Variants in CRCP observed in about 807,000 individuals in gnomAD.
The protein encoded by CRCP is CGRP receptor component, also known as DNA-directed RNA polymerase III subunit RPC9.
A neutral mutation model predicts 18.5 loss-of-function variants in CRCP; 18 were observed. The observed-to-expected ratio is 0.97, with a 90% confidence interval of 0.67 to 1.44. The LOEUF (loss-of-function observed/expected upper bound fraction) is 1.44, where lower values mean the gene tolerates loss of function less well. Ranked by LOEUF, CRCP falls within the 40% of genes most tolerant of loss-of-function variation. CRCP has a pLI of 0.00. For missense variants in CRCP, 130 were observed against 176.4 expected, an observed-to-expected ratio of 0.74 and a Z score of 1.49; for synonymous variants, 53 against 62.9, an observed-to-expected ratio of 0.84 and a Z score of 0.75.
chr7:66,138,615 C>G (rs1348187055), intron 4 of CRCP, among the ~76,000 whole-genome samples: 1 of 108,312 alleles, frequency 9.2e-6, no homozygotes, highest in Admixed American at 1.1e-4. Context: ...GAAACCTCGT[C>G]TCTACTAAAA....
intron 2 of CRCP, chr7:66,130,094 A>ATTT (rs1484336159): frequency 4.9e-4 from 51 of 104,422 alleles, no homozygotes; most frequent in South Asian, 8.2e-4. Flanking sequence ...GAGAAGCAGG[A>ATTT]TTCTTTTTTT....
In CRCP at chr7:66,114,973, A is replaced by C. The variant is rs779488684; in HGVS notation, c.8+3A>C. On this transcript the variant is annotated splice_donor_region_variant and intron_variant, in intron 1 of 5. Coordinates refer to ENST00000395326, the MANE Select transcript of CRCP (RefSeq NM_014478.5). The stretch of plus-strand genomic sequence containing the variant: ...ACGAGGCGGGACGTCATGGAAGTGT[A>C]AGTCTTCTCGGGCGCGTCCCTTTTC... 49 of 1,609,770 alleles carry C rather than the reference A, an allele frequency of 3.0e-5. No homozygotes were observed. Among genetic ancestry groups the C allele is most frequent in the Admixed American group, 1.2e-4 (7 of 59,824 alleles).
intron 4 of CRCP, among the ~76,000 whole-genome samples, chr7:66,139,494 A>G (rs1016867530): frequency 1.3e-5 from 2 of 152,170 alleles, no homozygotes; most frequent in African/African-American, 4.8e-5. Flanking sequence ...CTGGAGAATG[A>G]GTCGTATTTT....
chr7:66,143,650 G>A (rs1346904691), intron 4 of CRCP, among the ~76,000 whole-genome samples: 1 of 152,166 alleles, frequency 6.6e-6, no homozygotes, highest in African/African-American at 2.4e-5. Flanking sequence ...TGCCATTTAT[G>A]GAGAAACTAT....
chr7:66,145,359 T>C, intron 4 of CRCP, 84 bp from the exon 5 acceptor site: 1 of 1,419,836 alleles, frequency 7.0e-7, no homozygotes, highest in African/African-American at 1.4e-5. Context: ...ATTTTTTATC[T>C]GGCAAATTAT....
intron 5 of CRCP, among the ~76,000 whole-genome samples, chr7:66,151,673 C>CTGTGTGTGTG (rs1223890806): frequency 0.013 from 1,764 of 138,488 alleles, 24 homozygotes; most frequent in South Asian, 0.04. Context: ...CCACTTCTCT[C>CTGTGTGTGTG]TGTGTGTGTG....
At chr7:66,140,012 A>T (rs1403222158) in intron 4 of CRCP, among the ~76,000 whole-genome samples, 2 of 152,204 alleles carry the variant, frequency 1.3e-5, no homozygotes, top group Admixed American at 1.3e-4. Context: ...CAGAGCAGGG[A>T]AAGTAGAAAA....
chr7:66,118,510 A>G (rs1019711400), intron 1 of CRCP, among the ~76,000 whole-genome samples: 1 of 152,234 alleles, frequency 6.6e-6, no homozygotes, highest in African/African-American at 2.4e-5. Flanking sequence ...TACTTGTTCA[A>G]TAAAGTAATA....
intron 1 of CRCP, among the ~76,000 whole-genome samples, chr7:66,115,373 A>T (rs1453945803): frequency 6.6e-6 from 1 of 152,190 alleles, no homozygotes; most frequent in African/African-American, 2.4e-5. Context: ...GAGACGAATC[A>T]GGGCCGGGTA....
chr7:66,154,101 C>G lies in CRCP; in HGVS notation c.*1744C>G, dbSNP rs1788544650. 1 of 151,536 alleles carries G rather than the reference C, an allele frequency of 6.6e-6. No homozygotes were observed. The highest frequency in any genetic ancestry group is 1.5e-5 in the Non-Finnish European group (1 of 67,990). The allele number at this position is 151,536 out of a possible 1,614,324, so 9.4% of individuals were successfully genotyped here. On this transcript the variant is annotated 3_prime_UTR_variant, in exon 6 of 6. Coordinates refer to ENST00000395326, the MANE Select transcript of CRCP (RefSeq NM_014478.5). ...AGATTGTACTTTTAAATCTGTCTAG[C>G]GTATTGAGAATTTTAGTGGGAGCTG...
intron 5 of CRCP, among the ~76,000 whole-genome samples, chr7:66,148,675 G>A (rs1318727505): frequency 2.0e-5 from 3 of 152,160 alleles, no homozygotes; most frequent in Admixed American, 2.0e-4. Flanking sequence ...GTTGTGTATT[G>A]ATTTGGAATG....
intron 1 of CRCP, among the ~76,000 whole-genome samples, chr7:66,116,221 G>A (rs1232719501): frequency 3.3e-5 from 5 of 152,066 alleles, no homozygotes; most frequent in Admixed American, 1.3e-4. Flanking sequence ...GGGGCCAACC[G>A]TGGTGGCTCA....
intron 5 of CRCP, among the ~76,000 whole-genome samples, chr7:66,151,453 C>CA: frequency 6.6e-6 from 1 of 152,016 alleles, no homozygotes; most frequent in Non-Finnish European, 1.5e-5. Context: ...CCTGTAGTCC[C>CA]AGCTATTCGG....
At chr7:66,133,541 CAA>C (rs67165211) in intron 3 of CRCP, among the ~76,000 whole-genome samples, 8 of 71,800 alleles carry the variant, frequency 1.1e-4, no homozygotes, top group Admixed American at 1.3e-4. Flanking sequence ...GACTCCGTCT[CAA>C]AAAAAAAAAA....
chr7:66,139,083 A>T (rs1452616260), intron 4 of CRCP, among the ~76,000 whole-genome samples: 1 of 152,124 alleles, frequency 6.6e-6, no homozygotes, highest in Non-Finnish European at 1.5e-5. Flanking sequence ...TTTTAAAAAA[A>T]TTTGTAGTTC....
rs1788521076 is a variant in CRCP, at chr7:66,153,053, C to G, written c.*696C>G. Reference sequence around the variant, plus strand: ...CTGCCTTTCTGACCACCCCACTTTCCTGCCCTGAGACAGCAGCCCAGGGCA... The same window carrying G: ...CTGCCTTTCTGACCACCCCACTTTCGTGCCCTGAGACAGCAGCCCAGGGCA... On this transcript the variant is annotated 3_prime_UTR_variant, in exon 6 of 6. Coordinates refer to ENST00000395326, the MANE Select transcript of CRCP (RefSeq NM_014478.5). 6.5e-6 allele frequency: 1 copy of G among 152,810 alleles called. No individual in the cohort carries two copies. Among genetic ancestry groups the G allele is most frequent in the Admixed American group, 6.6e-5 (1 of 15,254 alleles). 9.5% of individuals were successfully genotyped at this position (152,810 alleles called of 1,614,324 possible). A position where few individuals can be genotyped will look rare whatever the true frequency, so the allele number is the denominator to read the frequency against.
chr7:66,147,454 G>A (rs898343075), intron 5 of CRCP, among the ~76,000 whole-genome samples: 1 of 152,214 alleles, frequency 6.6e-6, no homozygotes, highest in Non-Finnish European at 1.5e-5. Context: ...TTGGAAGGGG[G>A]CAAGTGTCCT....
In CRCP at chr7:66,134,269, T is replaced by G; in HGVS notation, c.145-11T>G. 1 of 1,573,860 alleles carries G rather than the reference T, an allele frequency of 6.4e-7. No individual in the cohort carries two copies. The highest frequency in any genetic ancestry group is 8.6e-7 in the Non-Finnish European group (1 of 1,160,958). ...ATGCTTGGCTTTTTTCTTTTTTTTT[T>G]TTTTTGCCAGACGTTAAAATACATA... is the stretch of plus-strand genomic sequence containing the variant. On this transcript the variant is annotated splice_polypyrimidine_tract_variant and intron_variant, in intron 3 of 5. Transcript: ENST00000395326.
Position 66,153,017 on chromosome 7 carries a change from AAC to A in CRCP, c.*662_*663del, listed in dbSNP as rs1788520184. 6.5e-6 allele frequency: 1 copy of A among 152,734 alleles called. No individual in the cohort carries two copies. Among genetic ancestry groups the A allele is most frequent in the South Asian group, 2.1e-4 (1 of 4,830 alleles). The allele number at this position is 152,734 out of a possible 1,614,324, so 9.5% of individuals were successfully genotyped here. ...CAGGCTTAGTGACAGTGGCAGCAGA[AAC>A]AGTGTTGGCTGCCTTTCTGACCACC... On this transcript the variant is annotated 3_prime_UTR_variant, in exon 6 of 6. Transcript: ENST00000395326.
Sources: gnomAD v4.1 joint callset for allele counts (sites outside exome capture counted in the v4.1 genomes callset) on GRCh38, gnomAD v4.1.1 for gene constraint, MANE v1.5 for transcripts, NCBI Gene and HGNC (gene_info 2026-07-23, HGNC 2026-07-21) for gene names.